The following TAF15 variants were observed in gnomAD, a reference collection of about 807,000 sequenced individuals.
TAF15 encodes the protein TATA-box binding protein associated factor 15.
TAF15 carries 37 observed loss-of-function variants against 102.5 expected under a neutral mutation model. The ratio of observed to expected loss-of-function variants is 0.36; its 90% CI spans 0.28 to 0.47. The LOEUF (loss-of-function observed/expected upper bound fraction) is 0.47, where lower values mean the gene tolerates loss of function less well. Among genes scored for constraint, TAF15 ranks in the 20% least tolerant of loss-of-function variants. The pLI, the probability that TAF15 is intolerant of heterozygous loss-of-function variation, is 0.99. For synonymous variants in TAF15, 273 were observed against 259.2 expected (o/e 1.05, Z -0.51); for missense variants, 652 against 760.7 (o/e 0.86, Z 1.68).
At chr17:35,826,866 T>C (rs2087336900) in intron 7 of TAF15, among the ~76,000 whole-genome samples, 1 of 151,792 alleles carries the variant, frequency 6.6e-6, no homozygotes, top group Non-Finnish European at 1.5e-5. Flanking sequence ...CTGAAGTTCA[T>C]ATTATTTTTA....
chr17:35,844,613 C>G lies in TAF15; in HGVS notation c.1314C>G (p.Ser438Arg). Residue 438 changes from serine (S) to arginine (R), a missense_variant, in exon 15 of 16, where the codon AGC (serine) becomes AGG (arginine). By Grantham distance (110) the Ser-to-Arg change is moderately radical (BLOSUM62 -1). This residue lies in a region of TAF15 where 368 missense variants were observed against 367.5 expected (regional missense o/e 1.00). Transcript: ENST00000605844. The part of the protein sequence containing the change: ...GGDRSSGGGY[S>R]GDRSGGGYGG... Reference sequence around the variant, plus strand: ...ACAGAAGCAGCGGTGGTGGCTACAGCGGAGATAGAAGTGGGGGCGGCTATG... The same window carrying G: ...ACAGAAGCAGCGGTGGTGGCTACAGGGGAGATAGAAGTGGGGGCGGCTATG... 2.0e-6 allele frequency: 3 copies of G among 1,532,652 alleles called. No individual in the cohort carries two copies. Among genetic ancestry groups the G allele is most frequent in the Non-Finnish European group, 2.6e-6 (3 of 1,143,840 alleles). The allele number at this position is 1,532,652 out of a possible 1,614,324, so 94.9% of individuals were successfully genotyped here. A position where few individuals can be genotyped will look rare whatever the true frequency, so the allele number is the denominator to read the frequency against.
At chr17:35,834,978 T>A (rs1241321806) in intron 9 of TAF15, among the ~76,000 whole-genome samples, 1 of 151,856 alleles carries the variant, frequency 6.6e-6, no homozygotes, top group Non-Finnish European at 1.5e-5. Context: ...ACTCCTGACC[T>A]CGAGATCCGC....
chr17:35,819,934 GAGTTGAA>G (rs2087239578), intron 2 of TAF15, 83 bp from the exon 3 acceptor site: 1 of 1,107,820 alleles, frequency 9.0e-7, no homozygotes, highest in Non-Finnish European at 1.3e-6. Flanking sequence ...GCTTGTATTT[GAGTTGAA>G]AGTTGAAAAT....
intron 1 of TAF15, chr17:35,816,940 C>G (rs927523574): frequency 1.3e-5 from 2 of 151,486 alleles, no homozygotes; most frequent in Admixed American, 1.3e-4. Context: ...CCACCTCAGC[C>G]TCTCGAGTAG....
chr17:35,832,242 A>G (rs536225453), intron 7 of TAF15, among the ~76,000 whole-genome samples: 51 of 152,320 alleles, frequency 3.3e-4, no homozygotes, highest in African/African-American at 1.2e-3. Context: ...CCTGTTCTGA[A>G]GTAGGAGTCT....
chr17:35,822,790 G>C lies in TAF15; in HGVS notation c.441G>C (p.Gln147His), dbSNP rs2087279112. Residue 147 changes from glutamine to histidine, a missense_variant, in exon 6 of 16, where the codon CAG (glutamine) becomes CAC (histidine). By Grantham distance (24) the Gln-to-His change is conservative (BLOSUM62 0). Transcript: ENST00000605844. ...ATGATTCCTATAGTCAAAACCAGCA[G>C]TCCTATCATTCACAAAGGGAAAACT... is the stretch of plus-strand genomic sequence containing the variant. ...QQHDSYSQNQ[Q>H]SYHSQRENYS... 6 of 1,614,154 alleles carry C rather than the reference G, an allele frequency of 3.7e-6. No homozygotes were observed. Among genetic ancestry groups the C allele is most frequent in the Non-Finnish European group, 5.1e-6 (6 of 1,180,034 alleles).
intron 7 of TAF15, among the ~76,000 whole-genome samples, chr17:35,824,768 C>T (rs1424910318): frequency 6.6e-6 from 1 of 152,202 alleles, no homozygotes; most frequent in East Asian, 1.9e-4. Flanking sequence ...TTTGTCTTGA[C>T]TAAGTTGTGT....
intron 12 of TAF15, among the ~76,000 whole-genome samples, chr17:35,843,740 G>A (rs551633465): frequency 6.6e-6 from 1 of 152,232 alleles, no homozygotes; most frequent in Admixed American, 6.5e-5. Flanking sequence ...CAAGTATAAG[G>A]CAAATATTTC....
Position 35,831,355 on chromosome 17 carries a change from C to T in TAF15, c.606-2552C>T, listed in dbSNP as rs574233279. Among the ~76,000 whole-genome samples the T allele has an allele frequency of 6.0e-5, 9 of 149,930 alleles. No individual in the cohort carries two copies. The East Asian group carries it at 1.6e-3, about 26-fold the overall frequency. ...CCAGGAGGCGGAGCTTGCAGTGAGC[C>T]GAGATCGCGCCACTGCACTCCAGCC... is the stretch of plus-strand genomic sequence containing the variant. On this transcript the variant is annotated intron_variant, in intron 7 of 15. Coordinates refer to ENST00000605844, the MANE Select transcript of TAF15 (RefSeq NM_139215.3).
chr17:35,840,238 G>A (rs1168407643), intron 11 of TAF15, among the ~76,000 whole-genome samples: 7 of 135,802 alleles, frequency 5.2e-5, no homozygotes, highest in South Asian at 2.3e-4. Context: ...ACATAATTGC[G>A]TTATTTTCCT....
chr17:35,835,653 A>G (rs1335366329), intron 9 of TAF15, among the ~76,000 whole-genome samples: 4 of 152,252 alleles, frequency 2.6e-5, no homozygotes, highest in Admixed American at 1.3e-4. Flanking sequence ...GCACTCTGGT[A>G]TATACAAAGC....
chr17:35,809,758 C>T (rs931050526), intron 1 of TAF15, 182 bp downstream of exon 1: 12 of 780,432 alleles, frequency 1.5e-5, no homozygotes, highest in Non-Finnish European at 2.3e-5. Context: ...CAATGGCTCC[C>T]CGGCTGCAAA....
intron 10 of TAF15, among the ~76,000 whole-genome samples, chr17:35,838,211 A>G (rs2087499341): frequency 6.6e-6 from 1 of 152,172 alleles, no homozygotes; most frequent in Non-Finnish European, 1.5e-5. Context: ...TAGATAAAAC[A>G]GTATACTATA....
At chr17:35,813,090 C>T (rs948255370) in intron 1 of TAF15, among the ~76,000 whole-genome samples, 3 of 126,408 alleles carry the variant, frequency 2.4e-5, no homozygotes, top group South Asian at 2.7e-4. Flanking sequence ...TGCACTCCAG[C>T]TTGGGTGACA....
At chr17:35,821,648 A>T (rs1169755566) in intron 5 of TAF15, among the ~76,000 whole-genome samples, 2 of 152,160 alleles carry the variant, frequency 1.3e-5, no homozygotes, top group Non-Finnish European at 2.9e-5. Flanking sequence ...AATCCAATTA[A>T]ATGTTGCCTT....
chr17:35,838,746 A>ATATC (rs1272145444), intron 11 of TAF15, among the ~76,000 whole-genome samples, 193 bp downstream of exon 11: 1 of 152,204 alleles, frequency 6.6e-6, no homozygotes, highest in Non-Finnish European at 1.5e-5. Flanking sequence ...ATATTTCGTT[A>ATATC]TATCATGCCT....
intron 7 of TAF15, among the ~76,000 whole-genome samples, chr17:35,831,268 A>G (rs977917934): frequency 6.6e-6 from 1 of 151,890 alleles, no homozygotes; most frequent in African/African-American, 2.4e-5. Flanking sequence ...TTAGCCGGGC[A>G]TGGTGGCGGG....
chr17:35,809,829 C>T (rs1382725820), intron 1 of TAF15: 1 of 600,356 alleles, frequency 1.7e-6, no homozygotes, highest in Non-Finnish European at 3.0e-6. Context: ...CCCGAGGAGA[C>T]TTGCCGTTCC....
chr17:35,818,936 A>G lies in TAF15; in HGVS notation c.48-1088A>G, dbSNP rs577131174. On this transcript the variant is annotated intron_variant, in intron 2 of 15. Transcript: ENST00000605844. ...ACATTTTTTTAAAATACCATAAAAA[A>G]TATTAAGCGTTTTTTTAGTGTGCTT... is the stretch of plus-strand genomic sequence containing the variant. 4.6e-4 allele frequency among the ~76,000 whole-genome samples: 70 copies of G among 152,354 alleles called. No homozygotes were observed. The South Asian group carries it at 0.014, about 31-fold the overall frequency.
Sources: gnomAD v4.1 joint callset for allele counts (sites outside exome capture counted in the v4.1 genomes callset) on GRCh38, gnomAD v4.1.1 for gene constraint, gnomAD v4.1.1 regional missense constraint, MANE v1.5 for transcripts, NCBI Gene and HGNC (gene_info 2026-07-23, HGNC 2026-07-21) for gene names.